KANK1: variants seen among roughly 807,000 people sequenced by gnomAD.
KANK1 encodes KN motif and ankyrin repeat domain-containing protein 1.
A neutral mutation model predicts 106.2 loss-of-function variants in KANK1; 109 were observed. That is an observed-to-expected ratio of 1.03 (90% CI 0.88 to 1.20). The LOEUF is 1.20. Among genes scored for constraint, KANK1 ranks in the 50% most tolerant of loss-of-function variants. KANK1 has a pLI of 0.00. For missense variants in KANK1, 2,399 were observed against 1,710.7 expected (o/e 1.40, Z -7.10); for synonymous variants, 873 against 652.2 (o/e 1.34, Z -5.16).
intron 1 of KANK1, among the ~76,000 whole-genome samples, chr9:529,360 C>A (rs1363086709): frequency 6.6e-6 from 1 of 151,738 alleles, no homozygotes; most frequent in East Asian, 1.9e-4. Context: ...GCCACCATGC[C>A]CAGCTAATTT....
At chr9:653,949 T>A (rs16921959) in intron 1 of KANK1, among the ~76,000 whole-genome samples, 2,025 of 152,062 alleles carry the variant, frequency 0.013, 40 homozygotes, top group African/African-American at 0.047. Context: ...TTTTGCAGAG[T>A]GTGCCACCCT....
At position 713,262 on chromosome 9, in the gene KANK1, G is replaced by C. The variant is rs143785996; in HGVS notation, c.2496G>C (p.Lys832Asn). 1.7e-4 allele frequency: 276 copies of C among 1,612,134 alleles called. No individual in the cohort carries two copies. The African/African-American group carries it at 3.3e-3, about 19-fold the overall frequency. Residue 832 changes from lysine (K) to asparagine (N), a missense_variant, in exon 3 of 12, where the codon AAG becomes AAC. Coordinates refer to ENST00000382297, the MANE Select transcript of KANK1 (RefSeq NM_015158.5). ...GLDHYIERIQKLLAEQQTLLA... is the reference protein window; with the variant it reads ...GLDHYIERIQNLLAEQQTLLA... Reference sequence around the variant, plus strand: ...ATCACTACATTGAGCGTATCCAGAAGCTGCTGGCAGAACAGCAGACACTGC... The same window carrying C: ...ATCACTACATTGAGCGTATCCAGAACCTGCTGGCAGAACAGCAGACACTGC...
chr9:689,291 G>A (rs888900057), intron 2 of KANK1, among the ~76,000 whole-genome samples: 3 of 152,154 alleles, frequency 2.0e-5, no homozygotes, highest in African/African-American at 4.8e-5. Context: ...GTTGAATAAA[G>A]GATAAGAAGA....
intron 3 of KANK1, among the ~76,000 whole-genome samples, chr9:720,615 C>G (rs187320543): frequency 5.9e-5 from 9 of 152,344 alleles, no homozygotes; most frequent in Admixed American, 1.3e-4. Flanking sequence ...CTCAGCCTCA[C>G]TAAGTGCTGG....
At chr9:744,801 G>A in intron 11 of KANK1, 9 of 1,449,520 alleles carry the variant, frequency 6.2e-6, no homozygotes, top group Non-Finnish European at 8.2e-6. Context: ...GCTTGTCCTT[G>A]CAAGACATAT....
chr9:587,732 G>A (rs906618471), intron 1 of KANK1, among the ~76,000 whole-genome samples: 12 of 152,070 alleles, frequency 7.9e-5, no homozygotes, highest in Admixed American at 7.9e-4. Context: ...ATAACCCTTG[G>A]TACTTTTATT....
At chr9:615,565 C>T (rs1278257343) in intron 1 of KANK1, among the ~76,000 whole-genome samples, 1 of 152,096 alleles carries the variant, frequency 6.6e-6, no homozygotes, top group South Asian at 2.1e-4. Context: ...ATTTGATTCC[C>T]ACTTGTTCTT....
chr9:516,648 ACTGG>A (rs2059289472), intron 1 of KANK1, among the ~76,000 whole-genome samples: 1 of 151,514 alleles, frequency 6.6e-6, no homozygotes, highest in Admixed American at 6.6e-5. Flanking sequence ...GTGCAGAGAC[ACTGG>A]CTTGAGGAAT....
chr9:594,793 G>C (rs576717771), intron 1 of KANK1, among the ~76,000 whole-genome samples: 16 of 151,792 alleles, frequency 1.1e-4, no homozygotes, highest in African/African-American at 3.9e-4. Flanking sequence ...TGAGGAGAAG[G>C]CTTTTAAAAC....
At chr9:593,326 C>T (rs1445163150) in intron 1 of KANK1, among the ~76,000 whole-genome samples, 1 of 151,610 alleles carries the variant, frequency 6.6e-6, no homozygotes, top group African/African-American at 2.4e-5. Flanking sequence ...ATAAAACATA[C>T]AGACAAAAAA....
At chr9:509,096 C>A (rs973668811) in intron 1 of KANK1, among the ~76,000 whole-genome samples, 28 of 151,978 alleles carry the variant, frequency 1.8e-4, no homozygotes, top group African/African-American at 6.8e-4. Context: ...CAAAATATGA[C>A]CTATTTATTA....
rs766125001 is a variant in KANK1 at position 618,745 on chromosome 9, T to A, written c.-83-58145T>A. On this transcript the variant is annotated intron_variant, in intron 1 of 11. Transcript: ENST00000382297. ...TCTCCAACCACAACATCCAAACTGG[T>A]CATTTGGGAAGTGATGCTTCCATTC... is the stretch of plus-strand genomic sequence containing the variant. Among the ~76,000 whole-genome samples, 7 of 152,050 alleles carry A rather than the reference T, an allele frequency of 4.6e-5. No individual in the cohort carries two copies. The South Asian group carries it at 6.2e-4, about 14-fold the overall frequency.
intron 1 of KANK1, among the ~76,000 whole-genome samples, chr9:553,719 C>A (rs16919517): frequency 6.3e-4 from 96 of 152,222 alleles, no homozygotes; most frequent in African/African-American, 2.2e-3. Context: ...ATTAGTCACC[C>A]TCTTCTACTG....
intron 1 of KANK1, among the ~76,000 whole-genome samples, chr9:585,779 T>C (rs1823309810): frequency 6.6e-6 from 1 of 152,080 alleles, no homozygotes; most frequent in Non-Finnish European, 1.5e-5. Context: ...GGGGAACTGA[T>C]GGGCACAAAG....
intron 1 of KANK1, among the ~76,000 whole-genome samples, chr9:523,442 C>G (rs2059640131): frequency 6.6e-6 from 1 of 151,834 alleles, no homozygotes; most frequent in South Asian, 2.1e-4. Context: ...CCTGGACTCT[C>G]TGCTTCCCTT....
At chr9:647,674 A>G (rs563677591) in intron 1 of KANK1, among the ~76,000 whole-genome samples, 2 of 150,970 alleles carry the variant, frequency 1.3e-5, no homozygotes, top group African/African-American at 5.0e-5. Context: ...TTAGGAGCCA[A>G]AGTTCTCACC....
intron 2 of KANK1, among the ~76,000 whole-genome samples, chr9:687,857 T>C (rs899317800): frequency 6.6e-6 from 1 of 152,218 alleles, no homozygotes; most frequent in African/African-American, 2.4e-5. Context: ...GTTGTGTGCG[T>C]CACTAATCTT....
intron 1 of KANK1, among the ~76,000 whole-genome samples, chr9:586,606 G>A (rs982582418): frequency 4.6e-5 from 7 of 152,146 alleles, no homozygotes; most frequent in African/African-American, 1.7e-4. Flanking sequence ...CCATGTGTGT[G>A]TTATGGAGTG....
At chr9:685,521 C>CTCT (rs1818370892) in intron 2 of KANK1, 1 of 152,178 alleles carries the variant, frequency 6.6e-6, no homozygotes, top group South Asian at 2.1e-4. Context: ...AATCTTTGTA[C>CTCT]TCTTACCTTG....
Sources: gnomAD v4.1 joint callset for allele counts (sites outside exome capture counted in the v4.1 genomes callset) on GRCh38, gnomAD v4.1.1 for gene constraint, MANE v1.5 for transcripts, NCBI Gene and HGNC (gene_info 2026-07-23, HGNC 2026-07-21) for gene names.